The following VPS13B variants were observed in gnomAD, a reference collection of about 807,000 sequenced individuals.
The protein encoded by VPS13B is intermembrane lipid transfer protein VPS13B.
Under a neutral mutation model 426.4 loss-of-function variants are expected in VPS13B, and 285 were observed. The observed-to-expected ratio is 0.67, with a 90% CI of 0.61 to 0.74. VPS13B has a LOEUF of 0.74. Ranked by LOEUF, VPS13B falls within the 30% of genes least tolerant of loss-of-function variation. The pLI, the probability that VPS13B is intolerant of heterozygous loss-of-function variation, is 0.00. For missense variants in VPS13B, 4,537 were observed against 4,782.6 expected, an observed-to-expected ratio of 0.95 and a Z score of 1.51; for synonymous variants, 1,676 against 1,676.4, an observed-to-expected ratio of 1.00 and a Z score of 0.01.
chr8:99,141,891 A>C (rs1324593001), intron 12 of VPS13B, among the ~76,000 whole-genome samples: 2 of 151,092 alleles, frequency 1.3e-5, no homozygotes, highest in Non-Finnish European at 3.0e-5. Context: ...AAAAAAAAAA[A>C]AAAAAAACAA....
intron 8 of VPS13B, among the ~76,000 whole-genome samples, chr8:99,125,707 G>A (rs2132530002): frequency 6.6e-6 from 1 of 151,986 alleles, no homozygotes. Flanking sequence ...AATATAGTGG[G>A]GATAATTATG....
chr8:99,277,616 T>A (rs1042021156), intron 19 of VPS13B, among the ~76,000 whole-genome samples: 1 of 152,202 alleles, frequency 6.6e-6, no homozygotes, highest in African/African-American at 2.4e-5. Context: ...ACTACTTTCC[T>A]GACCACTGTA....
chr8:99,443,700 T>C (rs1817783451), intron 23 of VPS13B, among the ~76,000 whole-genome samples: 3 of 152,216 alleles, frequency 2.0e-5, no homozygotes, highest in Admixed American at 1.3e-4. Context: ...ATATCAAATT[T>C]TTTTGATTCA....
At chr8:99,717,565 A>C (rs2130319186) in intron 37 of VPS13B, among the ~76,000 whole-genome samples, 192 bp downstream of exon 37, 1 of 152,318 alleles carries the variant, frequency 6.6e-6, no homozygotes, top group South Asian at 2.1e-4. Context: ...TCAAGTATAC[A>C]ATTCAGTGGT....
intron 31 of VPS13B, among the ~76,000 whole-genome samples, chr8:99,563,561 C>A (rs935822607): frequency 6.6e-6 from 1 of 152,092 alleles, no homozygotes; most frequent in East Asian, 1.9e-4. Flanking sequence ...TTGAGTCTAT[C>A]GGTGGGGTTT....
chr8:99,705,232 C>T (rs891510036), intron 36 of VPS13B, among the ~76,000 whole-genome samples: 3 of 151,872 alleles, frequency 2.0e-5, no homozygotes, highest in East Asian at 3.9e-4. Flanking sequence ...TTGAGGCATT[C>T]GACAAAAAGT....
chr8:99,448,121 TTTTATTTATTTATTTA>T (rs149574664), intron 23 of VPS13B, among the ~76,000 whole-genome samples: 9,423 of 141,836 alleles, frequency 0.066, 338 homozygotes, highest in South Asian at 0.1. Flanking sequence ...GTGGTTTTAT[TTTTATTTATTTATTTA>T]TTTATTTATT....
At chr8:99,262,064 C>T (rs975488216) in intron 17 of VPS13B, among the ~76,000 whole-genome samples, 2 of 152,072 alleles carry the variant, frequency 1.3e-5, no homozygotes, top group African/African-American at 4.8e-5. Flanking sequence ...GCAATATGGA[C>T]AGGGATTTCT....
chr8:99,255,844 A>T (rs529605904), intron 17 of VPS13B, among the ~76,000 whole-genome samples: 1 of 152,220 alleles, frequency 6.6e-6, no homozygotes, highest in African/African-American at 2.4e-5. Context: ...CAGCTGTAAG[A>T]GGGAGGGGCA....
At chr8:99,092,182 T>G (rs1219756859) in intron 3 of VPS13B, 1 of 152,188 alleles carries the variant, frequency 6.6e-6, no homozygotes, top group Non-Finnish European at 1.5e-5. Flanking sequence ...CGTGCAGTGT[T>G]TGCCACACAT....
chr8:99,870,306 C>G (rs534578599), intron 59 of VPS13B, among the ~76,000 whole-genome samples: 6 of 152,158 alleles, frequency 3.9e-5, no homozygotes, highest in African/African-American at 1.4e-4. Context: ...GTAGCTAGGA[C>G]TACAGGCATG....
chr8:99,678,926 A>T (rs1444382024), intron 35 of VPS13B, among the ~76,000 whole-genome samples: 1 of 151,954 alleles, frequency 6.6e-6, no homozygotes, highest in Non-Finnish European at 1.5e-5. Flanking sequence ...ATGTTGTTTG[A>T]TATTATTTTG....
In VPS13B at chr8:99,014,389, A is replaced by C. The variant is rs533766761; in HGVS notation, c.147+454A>C. ...CGCCTCAGTCTTCCGAAGTGCTGGG[A>C]TTATAGGCGTGAGCCACCGCGCCCG... is the stretch of plus-strand genomic sequence containing the variant. On this transcript the variant is annotated intron_variant, in intron 2 of 61. Transcript: ENST00000357162. Among the ~76,000 whole-genome samples, 110 of 151,934 alleles carry C rather than the reference A, an allele frequency of 7.2e-4. 1 individual carries two copies. The highest frequency in any genetic ancestry group is 8.0e-4 in the Non-Finnish European group (54 of 67,900).
At chr8:99,418,515 C>CTTT (rs1554779655) in intron 21 of VPS13B, among the ~76,000 whole-genome samples, 20 of 82,200 alleles carry the variant, frequency 2.4e-4, no homozygotes, top group Middle Eastern at 6.6e-3. Flanking sequence ...TTCTTTCTTT[C>CTTT]CTTTCTTTCT....
chr8:99,559,286 T>G (rs921302242), intron 31 of VPS13B, among the ~76,000 whole-genome samples: 1 of 152,182 alleles, frequency 6.6e-6, no homozygotes, highest in Non-Finnish European at 1.5e-5. Flanking sequence ...GTTTAAGTTC[T>G]TTGTAGATTC....
At chr8:99,013,965 A>G in intron 2 of VPS13B, 30 bp downstream of exon 2, 2 of 1,613,936 alleles carry the variant, frequency 1.2e-6, no homozygotes, top group Non-Finnish European at 1.7e-6. Flanking sequence ...TTAACTGGAA[A>G]CAGTTTTCAG....
intron 21 of VPS13B, among the ~76,000 whole-genome samples, chr8:99,399,198 A>G (rs1395343406): frequency 6.6e-6 from 1 of 152,216 alleles, no homozygotes; most frequent in East Asian, 1.9e-4. Context: ...AAGTCGTCAG[A>G]GAATTTAATG....
At chr8:99,507,464 T>G (rs990730175) in intron 28 of VPS13B, among the ~76,000 whole-genome samples, 6 of 152,248 alleles carry the variant, frequency 3.9e-5, no homozygotes, top group Non-Finnish European at 8.8e-5. Flanking sequence ...ATATACTTTA[T>G]CTTTAATGTA....
intron 17 of VPS13B, among the ~76,000 whole-genome samples, chr8:99,270,778 T>A (rs1289150257): frequency 6.6e-6 from 1 of 152,138 alleles, no homozygotes; most frequent in Non-Finnish European, 1.5e-5. Context: ...AGTTTGACCC[T>A]TAAGGCTTGA....
Sources: gnomAD v4.1 joint callset for allele counts (sites outside exome capture counted in the v4.1 genomes callset) on GRCh38, gnomAD v4.1.1 for gene constraint, MANE v1.5 for transcripts, NCBI Gene and HGNC (gene_info 2026-07-23, HGNC 2026-07-21) for gene names.